The following MTCL1 variants were observed in gnomAD, a reference collection of about 807,000 sequenced individuals.
MTCL1 encodes the protein microtubule crosslinking factor 1, also known as microtubule cross-linking factor 1.
Under a neutral mutation model 141.4 loss-of-function variants are expected in MTCL1, and 79 were observed. That is an observed-to-expected ratio of 0.56 (90% CI 0.47 to 0.67). The LOEUF is 0.67. MTCL1 is among the 30% of genes least tolerant of loss of function. The probability of loss-of-function intolerance (pLI) is 0.00; values close to 1 mark genes in which losing one functional copy is unlikely to be tolerated. For missense variants in MTCL1, 2,177 were observed against 2,113.9 expected, an observed-to-expected ratio of 1.03 and a Z score of -0.59; for synonymous variants, 914 against 875.8, an observed-to-expected ratio of 1.04 and a Z score of -0.77.
intron 4 of MTCL1, among the ~76,000 whole-genome samples, chr18:8,732,768 C>T (rs1402111183): frequency 1.3e-5 from 2 of 152,104 alleles, no homozygotes; most frequent in East Asian, 1.9e-4. Flanking sequence ...GGCAGGGTGC[C>T]GCTCCCCATG....
Position 8,828,577 on chromosome 18 carries a change from C to T in MTCL1, c.4723-331C>T, listed in dbSNP as rs539857167. On this transcript the variant is annotated intron_variant, in intron 15 of 16. Coordinates refer to ENST00000359865, the Ensembl canonical transcript of MTCL1. This position sits in a 1 kb window ranked among gnomAD's most constrained non-coding sequence, Gnocchi z 5.2. ...TTCCATATCTCTGTTTGCCAAAGTG[C>T]TGTTTGAAATGTTAAATGCTAAAGG... Among the ~76,000 whole-genome samples, 18 of 152,282 alleles carry T rather than the reference C, an allele frequency of 1.2e-4. No individual in the cohort carries two copies. The highest frequency in any genetic ancestry group is 3.6e-4 in the African/African-American group (15 of 41,562).
intron 1 of MTCL1, chr18:8,706,932 C>G (rs954902379): frequency 1.4e-6 from 1 of 701,046 alleles, no homozygotes; most frequent in Non-Finnish European, 2.2e-6. Flanking sequence ...ACCCACTTCT[C>G]TTTTCTCGCG....
At chr18:8,821,334 A>C in intron 13 of MTCL1, 133 bp from the exon 13 acceptor site, 1 of 608,266 alleles carries the variant, frequency 1.6e-6, no homozygotes, top group Non-Finnish European at 3.0e-6. Context: ...ACTCCTAACC[A>C]GAGCTTGGCC....
At chr18:8,773,481 A>G (rs1028990339) in intron 4 of MTCL1, among the ~76,000 whole-genome samples, 1 of 152,206 alleles carries the variant, frequency 6.6e-6, no homozygotes, top group Non-Finnish European at 1.5e-5. Flanking sequence ...CACGTGTTAG[A>G]AAAATCTTTT....
At chr18:8,742,228 C>T (rs187936871) in intron 4 of MTCL1, among the ~76,000 whole-genome samples, 54 of 152,202 alleles carry the variant, frequency 3.5e-4, no homozygotes, top group Non-Finnish European at 5.1e-4. Context: ...TGTAAGGATG[C>T]GTGAGATACC....
At chr18:8,773,510 C>T (rs984786521) in intron 4 of MTCL1, among the ~76,000 whole-genome samples, 1 of 152,082 alleles carries the variant, frequency 6.6e-6, no homozygotes, top group African/African-American at 2.4e-5. Context: ...TGTCATTTGC[C>T]TTTTAATACT....
intron 12 of MTCL1, among the ~76,000 whole-genome samples, chr18:8,813,614 A>G (rs1473736969): frequency 6.6e-6 from 1 of 152,212 alleles, no homozygotes; most frequent in Non-Finnish European, 1.5e-5. Flanking sequence ...TTTGCCACTA[A>G]AGATGTGGTC....
chr18:8,794,112 T>C (rs564072874), intron 8 of MTCL1, among the ~76,000 whole-genome samples: 157 of 152,350 alleles, frequency 1.0e-3, no homozygotes, highest in African/African-American at 3.6e-3. Flanking sequence ...AAGTTGCACA[T>C]CTTATTATCA....
At chr18:8,818,630 G>A (rs773840207) in intron 12 of MTCL1, among the ~76,000 whole-genome samples, 5 of 152,172 alleles carry the variant, frequency 3.3e-5, no homozygotes, top group Non-Finnish European at 5.9e-5. Flanking sequence ...AACAGTATTA[G>A]ATTAAAAAAT....
chr18:8,820,463 C>T (rs2076809950), intron 13 of MTCL1, among the ~76,000 whole-genome samples: 1 of 152,140 alleles, frequency 6.6e-6, no homozygotes, highest in Non-Finnish European at 1.5e-5. Flanking sequence ...TCAACAGTTG[C>T]TGCACCTATC....
chr18:8,831,691 C>T (rs1320451811), exon 17 of MTCL1: 7 of 1,550,544 alleles, frequency 4.5e-6, no homozygotes, highest in Middle Eastern at 1.7e-4. Context: ...CCCTCCGTCC[C>T]GTTGGGCCCC....
intron 7 of MTCL1, among the ~76,000 whole-genome samples, chr18:8,788,984 G>A (rs1442626510): frequency 6.6e-6 from 1 of 152,220 alleles, no homozygotes; most frequent in African/African-American, 2.4e-5. Flanking sequence ...TGTTAAGAGA[G>A]AGTGGTGTGT....
intron 3 of MTCL1, among the ~76,000 whole-genome samples, chr18:8,718,901 A>G (rs1435673707): frequency 1.3e-5 from 2 of 151,492 alleles, no homozygotes; most frequent in East Asian, 1.9e-4. Flanking sequence ...ATACCTGCCA[A>G]TGGGTCTGAC....
At chr18:8,771,536 A>G (rs1174505163) in intron 4 of MTCL1, among the ~76,000 whole-genome samples, 2 of 152,166 alleles carry the variant, frequency 1.3e-5, no homozygotes, top group African/African-American at 2.4e-5. Context: ...TTTATTACCA[A>G]TCTAAATTTT....
At chr18:8,807,781 C>G (rs2076349122) in intron 11 of MTCL1, among the ~76,000 whole-genome samples, 1 of 152,172 alleles carries the variant, frequency 6.6e-6, no homozygotes, top group Non-Finnish European at 1.5e-5. Flanking sequence ...ATGGTATCTG[C>G]TGCTGAGAGC....
At chr18:8,780,578 C>T in intron 5 of MTCL1, among the ~76,000 whole-genome samples, 1 of 152,234 alleles carries the variant, frequency 6.6e-6, no homozygotes, top group East Asian at 1.9e-4. Context: ...TGGACAGACA[C>T]TGGCTCTCAA....
intron 2 of MTCL1, among the ~76,000 whole-genome samples, 174 bp from the exon 2 acceptor site, chr18:8,718,248 ATC>A (rs1422316884): frequency 1.3e-5 from 2 of 152,228 alleles, no homozygotes; most frequent in Non-Finnish European, 2.9e-5. Context: ...CAATTATATT[ATC>A]TCATATGCAA....
chr18:8,767,566 A>C (rs370997135), intron 4 of MTCL1, among the ~76,000 whole-genome samples: 12 of 152,214 alleles, frequency 7.9e-5, no homozygotes, highest in African/African-American at 2.9e-4. Context: ...GCACAGAGCT[A>C]ATCCTGCCTG....
At chr18:8,714,943 C>T (rs556808927), upstream of MTCL1, among the ~76,000 whole-genome samples, 1 of 152,188 alleles carries the variant, frequency 6.6e-6, no homozygotes, top group East Asian at 1.9e-4. Context: ...ACTACAGGTG[C>T]CCGCCACCAC....
Sources: gnomAD v4.1 joint callset for allele counts (sites outside exome capture counted in the v4.1 genomes callset) on GRCh38, gnomAD v4.1.1 for gene constraint, Gnocchi (gnomAD v3.1) non-coding constraint, MANE v1.5 for transcripts, NCBI Gene and HGNC (gene_info 2026-07-23, HGNC 2026-07-21) for gene names.